VPS13B: variants seen among roughly 807,000 people sequenced by gnomAD.
VPS13B encodes vacuolar protein sorting 13 homolog B, also known as intermembrane lipid transfer protein VPS13B.
Under a neutral mutation model 426.4 loss-of-function variants are expected in VPS13B, and 285 were observed. That is an observed-to-expected ratio of 0.67 (90% confidence interval 0.61 to 0.74). The LOEUF (loss-of-function observed/expected upper bound fraction) is 0.74. VPS13B is among the 30% of genes least tolerant of loss of function. The pLI is 0.00. For missense variants in VPS13B, 4,537 were observed against 4,782.6 expected, an observed-to-expected ratio of 0.95 and a Z score of 1.51; for synonymous variants, 1,676 against 1,676.4, an observed-to-expected ratio of 1.00 and a Z score of 0.01.
At chr8:99,544,231 C>G (rs1352563159) in intron 30 of VPS13B, among the ~76,000 whole-genome samples, 1 of 152,044 alleles carries the variant, frequency 6.6e-6, no homozygotes, top group East Asian at 1.9e-4. Flanking sequence ...CCAAACACCG[C>G]ATGTTCTCAC....
At chr8:99,870,643 T>G (rs771413163) in intron 59 of VPS13B, 142 bp from the exon 60 acceptor site, 4 of 721,256 alleles carry the variant, frequency 5.5e-6, no homozygotes, top group Non-Finnish European at 9.9e-6. Context: ...TTAATGATTA[T>G]CTATACGCTT....
chr8:99,106,444 A>AAC (rs1847051459), intron 5 of VPS13B, among the ~76,000 whole-genome samples: 2 of 150,780 alleles, frequency 1.3e-5, no homozygotes, highest in African/African-American at 4.9e-5. Context: ...CAAAAAAAAA[A>AAC]AAAAAAAAAA....
At chr8:99,485,793 G>T (rs1820268574) in intron 25 of VPS13B, among the ~76,000 whole-genome samples, 1 of 152,102 alleles carries the variant, frequency 6.6e-6, no homozygotes, top group Non-Finnish European at 1.5e-5. Flanking sequence ...GTTCAAAGAA[G>T]CATAAAGGCT....
At chr8:99,587,295 G>A (rs985735724) in intron 33 of VPS13B, among the ~76,000 whole-genome samples, 16 of 152,182 alleles carry the variant, frequency 1.1e-4, no homozygotes, top group Non-Finnish European at 2.4e-4. Flanking sequence ...GTGTGCATGT[G>A]TCTTTATAGC....
chr8:99,040,669 A>G (rs1191584700), intron 3 of VPS13B, among the ~76,000 whole-genome samples: 1 of 152,216 alleles, frequency 6.6e-6, no homozygotes, highest in African/African-American at 2.4e-5. Context: ...AAGTTATTAC[A>G]TTGTAGAATC....
chr8:99,694,719 CT>C (rs1831870578), intron 35 of VPS13B, among the ~76,000 whole-genome samples: 1 of 151,200 alleles, frequency 6.6e-6, no homozygotes, highest in East Asian at 2.0e-4. Context: ...AACTAAAGAG[CT>C]TCTGCACAGC....
intron 27 of VPS13B, among the ~76,000 whole-genome samples, chr8:99,506,010 T>C (rs563104300): frequency 7.2e-5 from 11 of 152,314 alleles, no homozygotes; most frequent in Admixed American, 7.2e-4. Flanking sequence ...TTACTAATAA[T>C]CTTACATAAT....
At chr8:99,491,335 T>C (rs569803905) in intron 25 of VPS13B, among the ~76,000 whole-genome samples, 1 of 152,240 alleles carries the variant, frequency 6.6e-6, no homozygotes, top group African/African-American at 2.4e-5. Context: ...GACAATTACG[T>C]GTCTTGGGGT....
intron 25 of VPS13B, among the ~76,000 whole-genome samples, chr8:99,491,067 G>A (rs189780334): frequency 6.6e-4 from 101 of 152,072 alleles, no homozygotes; most frequent in African/African-American, 2.2e-3. Flanking sequence ...CTCTACACAC[G>A]GCTTTAAATG....
chr8:99,430,702 A>ACCCCCCC (rs796824615), intron 21 of VPS13B, among the ~76,000 whole-genome samples: 1 of 124,908 alleles, frequency 8.0e-6, no homozygotes, highest in African/African-American at 2.9e-5. Context: ...ATCAAAATCC[A>ACCCCCCC]CCCCCCCCCC....
chr8:99,437,893 A>C (rs1465721477), intron 22 of VPS13B, among the ~76,000 whole-genome samples: 3 of 152,150 alleles, frequency 2.0e-5, no homozygotes, highest in African/African-American at 7.2e-5. Context: ...GTAGCTGATA[A>C]AATAGAAATG....
chr8:99,418,223 G>A (rs1816143663), intron 21 of VPS13B, among the ~76,000 whole-genome samples: 1 of 152,024 alleles, frequency 6.6e-6, no homozygotes, highest in Non-Finnish European at 1.5e-5. Context: ...TTTGAATGAT[G>A]TTTTTTGACA....
At chr8:99,454,558 C>G (rs1163097641) in intron 23 of VPS13B, among the ~76,000 whole-genome samples, 3 of 152,154 alleles carry the variant, frequency 2.0e-5, no homozygotes, top group Non-Finnish European at 4.4e-5. Context: ...TTGGTTGCTT[C>G]CAAGTGTTGG....
At chr8:99,858,048 C>G (rs1288014606) in intron 56 of VPS13B, among the ~76,000 whole-genome samples, 1 of 152,330 alleles carries the variant, frequency 6.6e-6, no homozygotes, top group East Asian at 1.9e-4. Flanking sequence ...CCCCTCAGAT[C>G]GCTGAGCTGA....
At position 99,442,430 on chromosome 8, in the gene VPS13B, TC is replaced by T; in HGVS notation, c.3242del (p.Pro1081GlnfsTer20). On this transcript the variant is annotated frameshift_variant, in exon 23 of 62. Coordinates refer to ENST00000357162, the MANE Select transcript of VPS13B (RefSeq NM_152564.5). LOFTEE classifies it high-confidence loss of function. ...LEVQSCCVFI[P>X]NDSLPSPSTI... Reference sequence around the variant, plus strand: ...AAGTACAATCTTGTTGTGTGTTTATTCCAAATGATAGCCTGCCTTCCCCAAG... The same window carrying T: ...AAGTACAATCTTGTTGTGTGTTTATTCAAATGATAGCCTGCCTTCCCCAAG... The T allele has an allele frequency of 6.2e-7, 1 of 1,613,956 alleles. No individual in the cohort carries two copies. Among genetic ancestry groups the T allele is most frequent in the Non-Finnish European group, 8.5e-7 (1 of 1,179,866 alleles).
chr8:99,859,193 CCCAAT>C, intron 56 of VPS13B, 106 bp from the exon 57 acceptor site: 1 of 1,325,370 alleles, frequency 7.5e-7, no homozygotes, highest in South Asian at 1.2e-5. Context: ...AGATTACTTT[CCCAAT>C]TCTAGTGTGA....
At chr8:99,029,649 G>A (rs112564316) in intron 2 of VPS13B, among the ~76,000 whole-genome samples, 6 of 151,788 alleles carry the variant, frequency 4.0e-5, no homozygotes, top group Admixed American at 6.5e-5. Context: ...GGCGGCGCGC[G>A]CCTGCAATCG....
intron 17 of VPS13B, among the ~76,000 whole-genome samples, chr8:99,239,216 G>A (rs1816790310): frequency 6.6e-6 from 1 of 152,096 alleles, no homozygotes; most frequent in Non-Finnish European, 1.5e-5. Flanking sequence ...TGTTGTGGCT[G>A]ACACATTCTA....
Position 99,699,872 on chromosome 8 carries a change from T to G in VPS13B, c.6394T>G (p.Leu2132Val). The stretch of plus-strand genomic sequence containing the variant: ...ACCCCATACCAGCAAACCATGCCTG[T>G]TAGCATCTCTCTCAAACCTCAATGG... ...TVPHTSKPCL[L>V]ASLSNLNGSL... Residue 2132 changes from leucine to valine, a missense_variant, in exon 36 of 62, where the codon TTA becomes GTA. Physicochemically the swap from Leu to Val is conservative, Grantham distance 32. This residue lies in a region of VPS13B where 4,311 missense variants were observed against 4,474.3 expected (regional missense o/e 0.96). Transcript: ENST00000357162. 6.2e-7 allele frequency: 1 copy of G among 1,613,920 alleles called. No homozygotes were observed. Among genetic ancestry groups the G allele is most frequent in the Non-Finnish European group, 8.5e-7 (1 of 1,179,954 alleles).
Sources: allele counts gnomAD v4.1 joint callset (sites outside exome capture counted in the v4.1 genomes callset), GRCh38; gene constraint gnomAD v4.1.1; regional missense constraint gnomAD v4.1.1; transcripts MANE v1.5; gene names NCBI Gene and HGNC (gene_info 2026-07-23, HGNC 2026-07-21).